The following CRYBG1 variants were observed in gnomAD, a reference collection of about 807,000 sequenced individuals.
The protein encoded by CRYBG1 is beta/gamma crystallin domain-containing protein 1.
In CRYBG1, 139 loss-of-function variants were observed where a neutral mutation model predicts 189.2. The observed-to-expected ratio is 0.73, with a 90% CI of 0.64 to 0.85. The LOEUF is 0.85. CRYBG1 is among the 40% of genes least tolerant of loss of function. The pLI, the probability that CRYBG1 is intolerant of heterozygous loss-of-function variation, is 0.00. For synonymous variants in CRYBG1, 1,023 were observed against 1,017.1 expected (o/e 1.01, Z -0.11); for missense variants, 2,611 against 2,675.8 (o/e 0.98, Z 0.53).
At chr6:106,472,671 G>A (rs181685219) in intron 2 of CRYBG1, among the ~76,000 whole-genome samples, 32 of 151,938 alleles carry the variant, frequency 2.1e-4, no homozygotes, top group Admixed American at 4.6e-4. Context: ...AAGGCGGGCA[G>A]ATTGCTTGAG....
chr6:106,570,507 C>A lies in CRYBG1; in HGVS notation c.*1941C>A, dbSNP rs1045124735. 2.6e-5 allele frequency: 4 copies of A among 152,184 alleles called. No individual in the cohort carries two copies. Among genetic ancestry groups the A allele is most frequent in the Non-Finnish European group, 5.9e-5 (4 of 68,042 alleles). The allele number at this position is 152,184 out of a possible 1,614,324, so 9.4% of individuals were successfully genotyped here. The stretch of plus-strand genomic sequence containing the variant: ...CCTCATCTCACCCTTCAAAGAGAGT[C>A]AGCTAGCAGATTAGAAACAAATGTC... On this transcript the variant is annotated 3_prime_UTR_variant, in exon 22 of 22. Transcript: ENST00000633556.
intron 21 of CRYBG1, among the ~76,000 whole-genome samples, chr6:106,567,619 T>C (rs1774929070): frequency 6.6e-6 from 1 of 152,180 alleles, no homozygotes; most frequent in Non-Finnish European, 1.5e-5. Context: ...TGATACATCC[T>C]TGGTGCTGAG....
At chr6:106,470,591 T>C (rs1772213062) in intron 2 of CRYBG1, among the ~76,000 whole-genome samples, 1 of 151,858 alleles carries the variant, frequency 6.6e-6, no homozygotes, top group Non-Finnish European at 1.5e-5. Flanking sequence ...ATTATATATA[T>C]AAATACTTCT....
chr6:106,523,414 C>T (rs745494291), intron 4 of CRYBG1, among the ~76,000 whole-genome samples: 5 of 152,106 alleles, frequency 3.3e-5, no homozygotes, highest in Admixed American at 1.3e-4. Context: ...GTTCTTAGAT[C>T]GCTTTCCTTA....
chr6:106,568,402 G>C (rs1774954301), intron 21 of CRYBG1, 70 bp from the exon 22 acceptor site: 1 of 1,221,556 alleles, frequency 8.2e-7, no homozygotes, highest in Non-Finnish European at 1.2e-6. Flanking sequence ...ACTGGTGTTA[G>C]GGGAATTGTG....
intron 2 of CRYBG1, among the ~76,000 whole-genome samples, chr6:106,465,652 T>A (rs1294349316): frequency 6.6e-6 from 1 of 152,242 alleles, no homozygotes; most frequent in Non-Finnish European, 1.5e-5. Flanking sequence ...AGATTATGTA[T>A]AATGTTTTTC....
At chr6:106,362,585 C>T (rs1771901305) in intron 1 of CRYBG1, among the ~76,000 whole-genome samples, 1 of 152,114 alleles carries the variant, frequency 6.6e-6, no homozygotes, top group Non-Finnish European at 1.5e-5. Flanking sequence ...CGTGGCACTT[C>T]CTGAGAAGCG....
chr6:106,483,401 T>TATATA lies in CRYBG1; in HGVS notation c.313-28028_313-28027insTATAA. On this transcript the variant is annotated intron_variant, in intron 2 of 21. Transcript: ENST00000633556. ...GTGTATATATATATAGATATATATA[T>TATATA]AAAACATTTTCTTTATCTACTTATT... Among the ~76,000 whole-genome samples the TATATA allele has an allele frequency of 1.1e-4, 11 of 95,684 alleles. 1 individual carries two copies. The East Asian group carries it at 1.5e-3, about 13-fold the overall frequency. 62.8% of individuals were successfully genotyped at this position (95,684 alleles called of 152,430 possible).
intron 1 of CRYBG1, among the ~76,000 whole-genome samples, chr6:106,432,511 C>A (rs1771348816): frequency 9.3e-6 from 1 of 107,040 alleles, no homozygotes; most frequent in Admixed American, 1.0e-4. Context: ...CCAGTACCTA[C>A]CCCCCAGGGA....
chr6:106,554,416 C>A (rs1023586986), intron 16 of CRYBG1, among the ~76,000 whole-genome samples: 1 of 152,164 alleles, frequency 6.6e-6, no homozygotes, highest in Non-Finnish European at 1.5e-5. Context: ...GAGATCGAGA[C>A]CAGCCTGGCC....
At chr6:106,372,028 C>T (rs769478331) in intron 1 of CRYBG1, among the ~76,000 whole-genome samples, 12 of 152,298 alleles carry the variant, frequency 7.9e-5, no homozygotes, top group Non-Finnish European at 1.6e-4. Flanking sequence ...CCTACAGAGA[C>T]GCTCCTCAGG....
intron 1 of CRYBG1, among the ~76,000 whole-genome samples, chr6:106,365,381 C>T (rs899693220): frequency 9.3e-5 from 14 of 151,212 alleles, no homozygotes; most frequent in African/African-American, 2.4e-4. Flanking sequence ...GATCTGAGAT[C>T]GTGCCATTGC....
chr6:106,464,338 A>C (rs1489207237), intron 2 of CRYBG1, among the ~76,000 whole-genome samples: 1 of 151,968 alleles, frequency 6.6e-6, no homozygotes, highest in Non-Finnish European at 1.5e-5. Context: ...CTAAAAATAC[A>C]AAAAATTAGC....
intron 6 of CRYBG1, among the ~76,000 whole-genome samples, chr6:106,525,603 A>G (rs1773721456): frequency 2.0e-5 from 3 of 152,234 alleles, no homozygotes; most frequent in Admixed American, 2.0e-4. Context: ...GAGAAAAATC[A>G]GAACAATACA....
intron 8 of CRYBG1, among the ~76,000 whole-genome samples, chr6:106,532,053 A>G (rs1198621930): frequency 6.6e-6 from 1 of 152,162 alleles, no homozygotes; most frequent in Non-Finnish European, 1.5e-5. Context: ...TAATAATTGC[A>G]CATATTTATG....
intron 1 of CRYBG1, among the ~76,000 whole-genome samples, chr6:106,409,790 A>G (rs1393077069): frequency 6.6e-6 from 1 of 152,228 alleles, no homozygotes; most frequent in Non-Finnish European, 1.5e-5. Context: ...TCCCTATTTA[A>G]TAAATGGTGC....
At chr6:106,457,918 G>T (rs1402322912) in intron 2 of CRYBG1, among the ~76,000 whole-genome samples, 1 of 152,182 alleles carries the variant, frequency 6.6e-6, no homozygotes. Flanking sequence ...TGCAAAACGG[G>T]GGAATAGTGT....
intron 2 of CRYBG1, among the ~76,000 whole-genome samples, chr6:106,464,705 C>G (rs1175594358): frequency 6.6e-6 from 1 of 152,160 alleles, no homozygotes; most frequent in African/African-American, 2.4e-5. Flanking sequence ...ACCATTAAAA[C>G]CAGTGCAGAG....
At chr6:106,527,622 T>C in intron 7 of CRYBG1, 152 bp downstream of exon 7, 1 of 808,080 alleles carries the variant, frequency 1.2e-6, no homozygotes, top group Non-Finnish European at 1.8e-6. Context: ...TTGTACACTT[T>C]AAATAATTTA....
Sources: allele counts gnomAD v4.1 joint callset (sites outside exome capture counted in the v4.1 genomes callset), GRCh38; gene constraint gnomAD v4.1.1; transcripts MANE v1.5; gene names NCBI Gene and HGNC (gene_info 2026-07-23, HGNC 2026-07-21).